Variants in FLNC observed in about 807,000 individuals in gnomAD.
The protein encoded by FLNC is filamin-C.
Under a neutral mutation model 254.3 loss-of-function variants are expected in FLNC, and 91 were observed. That is an observed-to-expected ratio of 0.36 (90% CI 0.30 to 0.43). FLNC has a LOEUF of 0.43. Among genes scored for constraint, FLNC ranks in the 20% least tolerant of loss-of-function variants. The probability of loss-of-function intolerance (pLI) is 1.00; values close to 1 mark genes in which losing one functional copy is unlikely to be tolerated. For synonymous variants in FLNC, 1,430 were observed against 1,577.2 expected, an observed-to-expected ratio of 0.91 and a Z score of 2.21; for missense variants, 2,853 against 3,802.6, an observed-to-expected ratio of 0.75 and a Z score of 6.57.
chr7:128,847,288 C>G (rs1808605584), intron 24 of FLNC, among the ~76,000 whole-genome samples: 1 of 152,264 alleles, frequency 6.6e-6, no homozygotes, highest in Non-Finnish European at 1.5e-5. Flanking sequence ...CCTCTGCAGA[C>G]CCAGCTGCCC....
rs775774222 is a variant in FLNC at position 128,849,880 on chromosome 7, A to T, written c.5200-96A>T. ...CTGCAGGAGGATGAACACCCAAATT[A>T]TCACCCAGCATTTCAGGTTCCTGGG... On this transcript the variant is annotated intron_variant, in intron 30 of 47. Coordinates refer to ENST00000325888, the MANE Select transcript of FLNC (RefSeq NM_001458.5). 772 of 932,458 alleles carry T rather than the reference A, an allele frequency of 8.3e-4. 2 individuals are homozygous for T. Among genetic ancestry groups the T allele is most frequent in the Non-Finnish European group, 7.5e-4 (445 of 593,952 alleles). The allele number at this position is 932,458 out of a possible 1,614,324, so 57.8% of individuals were successfully genotyped here. A position where few individuals can be genotyped will look rare whatever the true frequency, so the allele number is the denominator to read the frequency against.
chr7:128,847,162 G>A (rs1276232545), intron 24 of FLNC, among the ~76,000 whole-genome samples: 1 of 152,250 alleles, frequency 6.6e-6, no homozygotes, highest in Non-Finnish European at 1.5e-5. Flanking sequence ...CAAGACCTTG[G>A]CTTTGCAGGT....
Position 128,857,440 on chromosome 7 carries a change from A to G in FLNC, c.7780+104A>G. 2.7e-6 allele frequency: 2 copies of G among 734,600 alleles called. No individual in the cohort carries two copies. The highest frequency in any genetic ancestry group is 4.8e-6 in the Non-Finnish European group (2 of 419,176). 45.5% of individuals were successfully genotyped at this position (734,600 alleles called of 1,614,324 possible). ...AGGCCATAGTCTGCCCCCAGACATCATGGTCAGTTTACCAGGGCTAGAGGT... is the reference window on the plus strand; with the variant it reads ...AGGCCATAGTCTGCCCCCAGACATCGTGGTCAGTTTACCAGGGCTAGAGGT... On this transcript the variant is annotated intron_variant, in intron 46 of 47. Transcript: ENST00000325888. The surrounding 1 kb of genome is among the most constrained non-coding windows in gnomAD (Gnocchi z 4.5).
chr7:128,854,145 C>A lies in FLNC; in HGVS notation c.6656C>A (p.Pro2219His), dbSNP rs1808948567. The A allele has an allele frequency of 3.1e-6, 5 of 1,612,590 alleles. No individual in the cohort carries two copies. The highest frequency in any genetic ancestry group is 4.2e-6 in the Non-Finnish European group (5 of 1,179,810). The change falls in exon 40 of 48, where the codon CCT becomes CAT. Residue 2219 changes from proline to histidine, a missense_variant. Pro to His is a moderately conservative substitution (Grantham distance 77). Coordinates refer to ENST00000325888, the MANE Select transcript of FLNC (RefSeq NM_001458.5). The stretch of plus-strand genomic sequence containing the variant: ...ACCCAGGTCGGCGGGGACCCCTTCC[C>A]TGCTGTGTTTGGGGACTTCCTGGGC... ...ESTQVGGDPF[P>H]AVFGDFLGRE... is the part of the protein sequence containing the mutation.
intron 1 of FLNC, among the ~76,000 whole-genome samples, chr7:128,832,174 G>A (rs188775712): frequency 2.6e-5 from 4 of 152,068 alleles, no homozygotes; most frequent in Non-Finnish European, 4.4e-5. Context: ...CCTTTGCCCC[G>A]TCCAGTCCCC....
chr7:128,850,709 G>A (rs1379973303), intron 32 of FLNC, 94 bp from the exon 33 acceptor site: 3 of 1,574,714 alleles, frequency 1.9e-6, no homozygotes. Context: ...GGCTTCTCGG[G>A]TGGCAGCAGA....
chr7:128,850,996 G>C, intron 33 of FLNC, 53 bp downstream of exon 33: 1 of 1,594,106 alleles, frequency 6.3e-7, no homozygotes. Flanking sequence ...GCAGGCCGTA[G>C]CTTCAGTCCT....
Position 128,854,625 on chromosome 7 carries a change from G to T in FLNC, c.6940G>T (p.Ala2314Ser). The T allele has an allele frequency of 1.2e-6, 2 of 1,612,380 alleles. No individual in the cohort carries two copies. The highest frequency in any genetic ancestry group is 1.7e-6 in the Non-Finnish European group (2 of 1,179,508). Residue 2314 changes from alanine (A) to serine (S), a missense_variant, in exon 41 of 48, where the codon GCC (alanine) becomes TCC (serine). By Grantham distance (99) the Ala-to-Ser change is moderately conservative. Around this residue, in one of 10 missense-constraint regions of FLNC, gnomAD observed 551 missense variants for 835.0 expected, o/e 0.66. Coordinates refer to ENST00000325888, the MANE Select transcript of FLNC (RefSeq NM_001458.5). ...FTVGPLGEGG[A>S]HKVRAGGTGL... ...TGTGGGGCCGCTGGGTGAAGGTGGT[G>T]CCCACAAGGTGCGGGCCGGAGGCAC...
Position 128,850,804 on chromosome 7 carries a change from A to T in FLNC, c.5400A>T (p.Gly1800=), listed in dbSNP as rs1304662991. Residue 1800 remains glycine (G), a splice_region_variant and synonymous_variant, in exon 33 of 48, where the codon GGA becomes GGT. Transcript: ENST00000325888. ...PFAVQKGELT[G]EVRMPSGKTA... ...CACGTAACTGTGTCTGCCCTGCAGG[A>T]GAGGTGCGGATGCCCTCGGGGAAGA... The T allele has an allele frequency of 6.2e-7, 1 of 1,613,616 alleles. No individual in the cohort carries two copies. The highest frequency in any genetic ancestry group is 1.3e-5 in the African/African-American group (1 of 74,896).
At chr7:128,832,374 C>G (rs1196818970) in intron 1 of FLNC, among the ~76,000 whole-genome samples, 4 of 152,198 alleles carry the variant, frequency 2.6e-5, no homozygotes, top group Non-Finnish European at 5.9e-5. Flanking sequence ...GTGATGGAGG[C>G]TGAGGGGTCA....
At position 128,851,588 on chromosome 7, in the gene FLNC, C is replaced by G. The variant is rs549588907; in HGVS notation, c.5802C>G (p.Asp1934Glu). The change falls in exon 35 of 48, where the codon GAC (aspartate) becomes GAG (glutamate). Residue 1934 changes from aspartate to glutamate, a missense_variant. By Grantham distance (45) the Asp-to-Glu change is conservative (BLOSUM62 2). Transcript: ENST00000325888. ...ACAGCATCATCGTGCGCTTCGATGA[C>G]AAGCACATCCCGGGGAGCCCCTTCA... is the stretch of plus-strand genomic sequence containing the variant. ...GDYSIIVRFD[D>E]KHIPGSPFTA... 1 of 1,613,974 alleles carries G rather than the reference C, an allele frequency of 6.2e-7. No homozygotes were observed. Among genetic ancestry groups the G allele is most frequent in the South Asian group, 1.1e-5 (1 of 91,088 alleles).
At chr7:128,848,210 C>A in intron 26 of FLNC, 142 bp downstream of exon 26, 1 of 1,106,478 alleles carries the variant, frequency 9.0e-7, no homozygotes, top group Non-Finnish European at 1.3e-6. Flanking sequence ...CCCCATCCCG[C>A]TCTTCCCCGG....
chr7:128,856,746 C>A lies in FLNC; in HGVS notation c.7386C>A (p.Asp2462Glu). 1 of 1,614,176 alleles carries A rather than the reference C, an allele frequency of 6.2e-7. No homozygotes were observed. The highest frequency in any genetic ancestry group is 1.1e-5 in the South Asian group (1 of 91,088). ...AAGCCACCAACCCTTTATCCACAGA[C>A]AAGCACACCATCCGCTTCATCCCCC... ...EECYVSELDS[D>E]KHTIRFIPHE... The change falls in exon 45 of 48, where the codon GAC (aspartate) becomes GAA (glutamate). Residue 2462 changes from aspartate (D) to glutamate (E), a missense_variant and splice_region_variant. Coordinates refer to ENST00000325888, the MANE Select transcript of FLNC (RefSeq NM_001458.5). The surrounding 1 kb of genome is among the most constrained non-coding windows in gnomAD (Gnocchi z 5.9).
rs746182820 is a variant in FLNC, at chr7:128,852,743, C to T, written c.5995C>T (p.Arg1999Trp). The change falls in exon 36 of 48, where the codon CGG becomes TGG. Residue 1999 changes from arginine to tryptophan, a missense_variant. Transcript: ENST00000325888. ...CTGCCTGCTGAAGCGCCTGCCCAACCGGCACATTGGTGAGCGTGGGGCCTC... is the reference window on the plus strand; with the variant it reads ...CTGCCTGCTGAAGCGCCTGCCCAACTGGCACATTGGTGAGCGTGGGGCCTC... ...EPCLLKRLPN[R>W]HIGISFTPKE... 8.1e-6 allele frequency: 13 copies of T among 1,613,118 alleles called. No homozygotes were observed. Among genetic ancestry groups the T allele is most frequent in the East Asian group, 4.5e-5 (2 of 44,864 alleles).
rs779411622 is a variant in FLNC, at chr7:128,853,703, TC to T, written c.6362-8del. ...TCTGAGGTTCCTGACCCACCCTTTG[TC>T]CCCACTTCAGGAAGCCCCTTCACTG... On this transcript the variant is annotated splice_polypyrimidine_tract_variant and intron_variant, in intron 38 of 47. Coordinates refer to ENST00000325888, the MANE Select transcript of FLNC (RefSeq NM_001458.5). 6.2e-7 allele frequency: 1 copy of T among 1,613,736 alleles called. No individual in the cohort carries two copies. Among genetic ancestry groups the T allele is most frequent in the African/African-American group, 1.3e-5 (1 of 74,908 alleles).
At chr7:128,852,314 G>A (rs977351684) in intron 35 of FLNC, among the ~76,000 whole-genome samples, 2 of 152,262 alleles carry the variant, frequency 1.3e-5, no homozygotes, top group Admixed American at 6.5e-5. Context: ...ACAACATCAT[G>A]TGACTCAGGG....
intron 1 of FLNC, among the ~76,000 whole-genome samples, chr7:128,832,988 G>C (rs889296967): frequency 3.3e-5 from 5 of 152,164 alleles, no homozygotes; most frequent in African/African-American, 1.2e-4. Context: ...CGAGCATCTG[G>C]GCACCTCAGG....
chr7:128,847,717 G>C lies in FLNC; in HGVS notation c.4309G>C (p.Val1437Leu). 6.2e-7 allele frequency: 1 copy of C among 1,614,136 alleles called. No individual in the cohort carries two copies. The highest frequency in any genetic ancestry group is 8.5e-7 in the Non-Finnish European group (1 of 1,179,976). The change falls in exon 25 of 48, where the codon GTG becomes CTG. Residue 1437 changes from valine (V) to leucine (L), a missense_variant. Val to Leu is a conservative substitution (Grantham distance 32). This residue lies in a region of FLNC where 1,573 missense variants were observed against 1,883.5 expected (regional missense o/e 0.84). Coordinates refer to ENST00000325888, the MANE Select transcript of FLNC (RefSeq NM_001458.5). Reference sequence around the variant, plus strand: ...CACAGGGAGCCCGTTCCGCGTGCCAGTGAAGGATGTGGTGGACCCTGGGAA... The same window carrying C: ...CACAGGGAGCCCGTTCCGCGTGCCACTGAAGGATGTGGTGGACCCTGGGAA... ...PIPGSPFRVP[V>L]KDVVDPGKVK...
At chr7:128,844,599 A>C in intron 20 of FLNC, 59 bp from the exon 21 acceptor site, 1 of 1,493,676 alleles carries the variant, frequency 6.7e-7, no homozygotes, top group South Asian at 1.1e-5. Flanking sequence ...GGTGGGGGCC[A>C]TGAAGGCTGG....
Sources: gnomAD v4.1 joint callset for allele counts (sites outside exome capture counted in the v4.1 genomes callset) on GRCh38, gnomAD v4.1.1 for gene constraint, gnomAD v4.1.1 regional missense constraint, Gnocchi (gnomAD v3.1) non-coding constraint, MANE v1.5 for transcripts, NCBI Gene and HGNC (gene_info 2026-07-23, HGNC 2026-07-21) for gene names.